The following IRAK1BP1 variants were observed in gnomAD, a reference collection of about 807,000 sequenced individuals.
IRAK1BP1 encodes interleukin-1 receptor-associated kinase 1-binding protein 1.
Under a neutral mutation model 28.0 loss-of-function variants are expected in IRAK1BP1, and 24 were observed. The ratio of observed to expected loss-of-function variants is 0.86; its 90% CI spans 0.62 to 1.20. The LOEUF is 1.20. Among genes scored for constraint, IRAK1BP1 ranks in the 50% most tolerant of loss-of-function variants. The pLI is 0.00. For missense variants in IRAK1BP1, 336 were observed against 316.7 expected (o/e 1.06, Z -0.46); for synonymous variants, 131 against 116.3 (o/e 1.13, Z -0.81).
At chr6:78,875,224 A>G (rs1770954978) in intron 1 of IRAK1BP1, among the ~76,000 whole-genome samples, 1 of 152,234 alleles carries the variant, frequency 6.6e-6, no homozygotes, top group African/African-American at 2.4e-5. Flanking sequence ...TTAAAAAGTC[A>G]AAAAATAACA....
At chr6:78,955,037 T>G in the IRAK1BP1 span, 1 of 1,048,684 alleles carries the variant, frequency 9.5e-7, no homozygotes, top group Non-Finnish European at 1.4e-6. Context: ...AATGTAGTCT[T>G]AGATAATTGG....
exon 5 of IRAK1BP1, chr6:78,945,752 G>T: frequency 1.7e-6 from 1 of 597,822 alleles, no homozygotes; most frequent in Non-Finnish European, 2.9e-6. Context: ...AGCTAGTGTG[G>T]GTACTGTGAT....
At chr6:78,965,412 T>A in the IRAK1BP1 span, among the ~76,000 whole-genome samples, 1 of 152,212 alleles carries the variant, frequency 6.6e-6, no homozygotes, top group South Asian at 2.1e-4. Context: ...TACAAAAGTG[T>A]CTCTGCCTCC....
At chr6:78,958,698 TA>T in the IRAK1BP1 span, 1 of 748,928 alleles carries the variant, frequency 1.3e-6, no homozygotes. Context: ...AACTTCAGTC[TA>T]AACCAACTGT....
chr6:78,906,027 G>A (rs1341805251), downstream of IRAK1BP1, among the ~76,000 whole-genome samples: 2 of 152,178 alleles, frequency 1.3e-5, no homozygotes, highest in East Asian at 3.8e-4. Context: ...AGCAGTATGG[G>A]ATGTAGTATA....
chr6:78,898,273 C>T lies in IRAK1BP1; in HGVS notation c.722C>T (p.Ala241Val). The change falls in exon 4 of 4, where the codon GCT becomes GTT. Residue 241 changes from alanine (A) to valine (V), a missense_variant. Transcript: ENST00000369940. ...QKIKSATIHA[A>V]SKVFITFEVK... is the part of the protein sequence containing the mutation. ...ATCAAAAGTGCAACAATACATGCTG[C>T]TTCAAAAGTATTTATAACTTTTGAG... The T allele has an allele frequency of 6.2e-7, 1 of 1,609,690 alleles. No homozygotes were observed. The highest frequency in any genetic ancestry group is 1.1e-5 in the South Asian group (1 of 90,198).
At chr6:78,960,212 T>C in the IRAK1BP1 span, among the ~76,000 whole-genome samples, 202 of 152,338 alleles carry the variant, frequency 1.3e-3, no homozygotes, top group African/African-American at 4.7e-3. Flanking sequence ...TCAAACCTTA[T>C]GTATAGTATA....
At chr6:78,930,251 A>G (rs1562102268) in intron 4 of IRAK1BP1, among the ~76,000 whole-genome samples, 1 of 152,200 alleles carries the variant, frequency 6.6e-6, no homozygotes, top group Non-Finnish European at 1.5e-5. Flanking sequence ...TAATTGTTCT[A>G]TAGCATGTCA....
chr6:78,908,471 C>T (rs1772317805), intron 4 of IRAK1BP1, among the ~76,000 whole-genome samples: 1 of 152,096 alleles, frequency 6.6e-6, no homozygotes, highest in Non-Finnish European at 1.5e-5. Context: ...GTCTCAGCCT[C>T]TTGAGTAGCT....
downstream of IRAK1BP1, among the ~76,000 whole-genome samples, chr6:78,906,939 A>G (rs561280605): frequency 9.2e-5 from 14 of 152,278 alleles, no homozygotes; most frequent in Admixed American, 2.6e-4. Flanking sequence ...GATGGTGGCT[A>G]TTTTTTCAAG....
intron 4 of IRAK1BP1, among the ~76,000 whole-genome samples, chr6:78,912,731 TGAA>T (rs1304962671): frequency 6.6e-6 from 1 of 152,180 alleles, no homozygotes; most frequent in Admixed American, 6.5e-5. Context: ...TAAAAATGAA[TGAA>T]TTTTACCTTA....
chr6:78,908,767 A>C (rs970330252), intron 4 of IRAK1BP1, among the ~76,000 whole-genome samples: 4 of 152,196 alleles, frequency 2.6e-5, no homozygotes, highest in African/African-American at 9.7e-5. Flanking sequence ...TATTTTTTTA[A>C]GCCACCCTCA....
the IRAK1BP1 span, among the ~76,000 whole-genome samples, chr6:78,970,572 T>C: frequency 6.6e-6 from 1 of 152,130 alleles, no homozygotes; most frequent in Admixed American, 6.5e-5. Context: ...ACCCAACCCA[T>C]AAACTGCATT....
rs551755832 is a variant in IRAK1BP1, at chr6:78,916,738, G to C, written c.*67+13628G>C. 5.3e-5 allele frequency among the ~76,000 whole-genome samples: 8 copies of C among 152,062 alleles called. No individual in the cohort carries two copies. In the East Asian group the frequency reaches 1.2e-3, roughly 22 times the overall value. On this transcript the variant is annotated intron_variant and NMD_transcript_variant, in intron 4 of 4. Transcript: ENST00000606868. The stretch of plus-strand genomic sequence containing the variant: ...CTAGAAAAGAAACAGAGTGGTTAGA[G>C]ACAAGCCCAGGCAGATCTCCAGACA...
chr6:78,958,679 C>A, the IRAK1BP1 span: 1 of 837,644 alleles, frequency 1.2e-6, no homozygotes, highest in South Asian at 1.5e-5. Context: ...CAAGACATTC[C>A]AACTTTTCAA....
chr6:78,906,973 A>G (rs1372274000), downstream of IRAK1BP1, among the ~76,000 whole-genome samples: 1 of 152,208 alleles, frequency 6.6e-6, no homozygotes, highest in Non-Finnish European at 1.5e-5. Flanking sequence ...AAGTAAGACA[A>G]TATTCTTCGA....
the IRAK1BP1 span, among the ~76,000 whole-genome samples, chr6:78,973,482 T>C: frequency 2.5e-5 from 2 of 80,058 alleles, no homozygotes; most frequent in Middle Eastern, 4.9e-3. Context: ...ATGAGCAAAA[T>C]AACCAGCTAA....
chr6:78,965,255 G>A, the IRAK1BP1 span, among the ~76,000 whole-genome samples: 3 of 152,098 alleles, frequency 2.0e-5, no homozygotes, highest in African/African-American at 7.2e-5. Context: ...TTCTAAGGCC[G>A]AGTACTAAAA....
chr6:78,948,207 A>G (rs1402695918), downstream of IRAK1BP1, among the ~76,000 whole-genome samples: 1 of 152,228 alleles, frequency 6.6e-6, no homozygotes, highest in African/African-American at 2.4e-5. Flanking sequence ...GTATGCCAGC[A>G]TCCCATTTAT....
Sources: allele counts gnomAD v4.1 joint callset (sites outside exome capture counted in the v4.1 genomes callset), GRCh38; gene constraint gnomAD v4.1.1; transcripts MANE v1.5; gene names NCBI Gene and HGNC (gene_info 2026-07-23, HGNC 2026-07-21).